Variants in AGMAT observed in about 807,000 individuals in gnomAD.
AGMAT encodes guanidino acid hydrolase, mitochondrial.
A neutral mutation model predicts 29.3 loss-of-function variants in AGMAT; 37 were observed. That is an observed-to-expected ratio of 1.26 (90% CI 0.97 to 1.66). The LOEUF is 1.66. AGMAT is among the 40% of genes most tolerant of loss of function. The pLI, the probability that AGMAT is intolerant of heterozygous loss-of-function variation, is 0.00. For synonymous variants in AGMAT, 199 were observed against 200.8 expected (o/e 0.99, Z 0.08); for missense variants, 498 against 497.8 (o/e 1.00, Z 0.00).
chr1:15,584,021 G>C (rs919387254), intron 1 of AGMAT, among the ~76,000 whole-genome samples: 1 of 152,214 alleles, frequency 6.6e-6, no homozygotes, highest in African/African-American at 2.4e-5. Context: ...GCCAGTTTCT[G>C]CTCTCAAATG....
In AGMAT at chr1:15,579,134, G is replaced by A. The variant is rs987207038; in HGVS notation, c.525-80C>T. 3 of 1,432,688 alleles carry A rather than the reference G, an allele frequency of 2.1e-6. No homozygotes were observed. In the African/African-American group the frequency reaches 4.2e-5, roughly 20 times the overall value. 88.7% of individuals were successfully genotyped at this position (1,432,688 alleles called of 1,614,324 possible). A position where few individuals can be genotyped will look rare whatever the true frequency, so the allele number is the denominator to read the frequency against. On this transcript the variant is annotated intron_variant, in intron 3 of 6. Coordinates refer to ENST00000375826, the MANE Select transcript of AGMAT (RefSeq NM_024758.5). ...GCCACCCTTCGGGCCACCAAAACTT[G>A]GTGACAATTCACAGCCAAAAAGGGG...
Position 15,584,816 on chromosome 1 carries a change from G to A in AGMAT, c.152C>T (p.Ala51Val), listed in dbSNP as rs1223390969. ...CATGGAGCAGACGCCCACCGGCCGG[G>A]CCACGAACTCGGGGCTGGGGGGCTG... The part of the protein sequence containing the change: ...RNQPPSPEFV[A>V]RPVGVCSMMR... The change falls in exon 1 of 7, where the codon GCC becomes GTC. Residue 51 changes from alanine (A) to valine (V), a missense_variant. Physicochemically the swap from Ala to Val is moderately conservative, Grantham distance 64 (BLOSUM62 0). Coordinates refer to ENST00000375826, the MANE Select transcript of AGMAT (RefSeq NM_024758.5). 3.5e-6 allele frequency: 5 copies of A among 1,411,608 alleles called. No homozygotes were observed. Among genetic ancestry groups the A allele is most frequent in the Non-Finnish European group, 4.6e-6 (5 of 1,085,932 alleles). 87.4% of individuals were successfully genotyped at this position (1,411,608 alleles called of 1,614,324 possible). A position where few individuals can be genotyped will look rare whatever the true frequency, so the allele number is the denominator to read the frequency against.
chr1:15,581,617 G>A (rs1557597682), intron 2 of AGMAT, among the ~76,000 whole-genome samples: 1 of 126,480 alleles, frequency 7.9e-6, no homozygotes, highest in Non-Finnish European at 1.6e-5. Context: ...GCTCACGCCT[G>A]TAATCCCAGC....
rs991438754 is a variant in AGMAT, at chr1:15,577,852, C to G, written c.733G>C (p.Val245Leu). 2 of 1,614,004 alleles carry G rather than the reference C, an allele frequency of 1.2e-6. No homozygotes were observed. The highest frequency in any genetic ancestry group is 8.5e-7 in the Non-Finnish European group (1 of 1,179,976). Residue 245 changes from valine to leucine, a missense_variant, in exon 5 of 7, where the codon GTC becomes CTC. Physicochemically the swap from Val to Leu is conservative, Grantham distance 32. Coordinates refer to ENST00000375826, the MANE Select transcript of AGMAT (RefSeq NM_024758.5). Reference protein sequence around the residue: ...RYNRSQGFRVVLAEDCWMKSL... With the variant: ...RYNRSQGFRVLLAEDCWMKSL... ...TTCATCCAGCAGTCTTCAGCCAGGA[C>G]TACCCGGAAGCCCTGCAGAGACAGG... is the stretch of plus-strand genomic sequence containing the variant.
chr1:15,574,042 T>C (rs6429753), intron 6 of AGMAT, among the ~76,000 whole-genome samples: 51,586 of 152,078 alleles, frequency 0.34, 10,796 homozygotes, highest in African/African-American at 0.59. Context: ...ATTCCATAAG[T>C]TTGTCTACAT....
intron 2 of AGMAT, among the ~76,000 whole-genome samples, chr1:15,581,973 A>T (rs1363430926): frequency 1.3e-5 from 2 of 151,806 alleles, no homozygotes; most frequent in Admixed American, 6.6e-5. Context: ...GAAGCTTCAG[A>T]TATGCCATGC....
chr1:15,584,771 G>A lies in AGMAT; in HGVS notation c.197C>T (p.Thr66Ile). ...GGCAGCGTCCAGCCCCTCGGGGGAG[G>A]TCTGCACCGGCAGGCGCATCATGGA... ...VCSMMRLPVQ[T>I]SPEGLDAAFI... Residue 66 changes from threonine (T) to isoleucine (I), a missense_variant, in exon 1 of 7, where the codon ACC (threonine) becomes ATC (isoleucine). Physicochemically the swap from Thr to Ile is moderately conservative, Grantham distance 89 (BLOSUM62 -1). Coordinates refer to ENST00000375826, the MANE Select transcript of AGMAT (RefSeq NM_024758.5). 1 of 1,380,670 alleles carries A rather than the reference G, an allele frequency of 7.2e-7. No individual in the cohort carries two copies. 85.5% of individuals were successfully genotyped at this position (1,380,670 alleles called of 1,614,324 possible).
At chr1:15,575,189 G>A (rs769036114) in intron 5 of AGMAT, 11 of 181,908 alleles carry the variant, frequency 6.0e-5, no homozygotes, top group Non-Finnish European at 1.1e-4. Flanking sequence ...CCCAGTTCAA[G>A]GGATAGGCCA....
Position 15,572,211 on chromosome 1 carries a change from TTTG to T in AGMAT, c.*1437_*1439del, listed in dbSNP as rs1284465441. The T allele has an allele frequency of 6.0e-5, 9 of 150,368 alleles. No individual in the cohort carries two copies. The highest frequency in any genetic ancestry group is 1.3e-4 in the Non-Finnish European group (9 of 67,414). 9.3% of individuals were successfully genotyped at this position (150,368 alleles called of 1,614,324 possible). ...GTTTTGTTTTGTTTTCTGGGGTTTT[TTTG>T]TTTTGTTTTGTTTTGTTTTGTTTTT... On this transcript the variant is annotated 3_prime_UTR_variant, in exon 7 of 7. Transcript: ENST00000375826.
At position 15,580,159 on chromosome 1, in the gene AGMAT, G is replaced by GA. The variant is rs769883493; in HGVS notation, c.476-18dup. ...GATCTCCACCTGCAAAGAGGAAGAAGAAAACATCTGGAAAGTGAATTGGAG... is the reference window on the plus strand; with the variant it reads ...GATCTCCACCTGCAAAGAGGAAGAAGAAAAACATCTGGAAAGTGAATTGGAG... On this transcript the variant is annotated splice_polypyrimidine_tract_variant and intron_variant, in intron 2 of 6. Coordinates refer to ENST00000375826, the MANE Select transcript of AGMAT (RefSeq NM_024758.5). 2.1e-5 allele frequency: 31 copies of GA among 1,471,618 alleles called. No homozygotes were observed. Among genetic ancestry groups the GA allele is most frequent in the Middle Eastern group, 1.9e-4 (1 of 5,212 alleles). 91.2% of individuals were successfully genotyped at this position (1,471,618 alleles called of 1,614,324 possible).
At position 15,573,576 on chromosome 1, in the gene AGMAT, C is replaced by G; in HGVS notation, c.*75G>C. 7.1e-7 allele frequency: 1 copy of G among 1,406,158 alleles called. No individual in the cohort carries two copies. The highest frequency in any genetic ancestry group is 1.0e-6 in the Non-Finnish European group (1 of 993,644). The allele number at this position is 1,406,158 out of a possible 1,614,324, so 87.1% of individuals were successfully genotyped here. ...TTCTTGGCATAAACTCTTTAGTTCT[C>G]AGACTGCTTACTCATAAGTTCTTCT... On this transcript the variant is annotated 3_prime_UTR_variant, in exon 7 of 7. Transcript: ENST00000375826.
At chr1:15,576,740 CTTTTTTTTTTTT>C (rs59203066) in intron 5 of AGMAT, among the ~76,000 whole-genome samples, 3 of 35,800 alleles carry the variant, frequency 8.4e-5, no homozygotes, top group South Asian at 1.6e-3. Context: ...GTTTAGTGTT[CTTTTTTTTTTTT>C]TTTTTTTTTT....
At position 15,585,000 on chromosome 1, in the gene AGMAT, C is replaced by T; in HGVS notation, c.-33G>A. ...CGCGGCCAAGACCTCACCGACCAAA[C>T]CGCCCGCGAGGCCGCCGCGATCTGG... is the stretch of plus-strand genomic sequence containing the variant. On this transcript the variant is annotated 5_prime_UTR_variant, in exon 1 of 7. Transcript: ENST00000375826. The T allele has an allele frequency of 1.6e-6, 2 of 1,279,520 alleles. No individual in the cohort carries two copies. The highest frequency in any genetic ancestry group is 2.6e-5 in the South Asian group (1 of 38,508). 79.3% of individuals were successfully genotyped at this position (1,279,520 alleles called of 1,614,324 possible). A position where few individuals can be genotyped will look rare whatever the true frequency, so the allele number is the denominator to read the frequency against.
chr1:15,584,803 G>C lies in AGMAT; in HGVS notation c.165C>G (p.Gly55=). 1 of 1,397,608 alleles carries C rather than the reference G, an allele frequency of 7.2e-7. No individual in the cohort carries two copies. The highest frequency in any genetic ancestry group is 1.8e-5 in the South Asian group (1 of 54,544). The allele number at this position is 1,397,608 out of a possible 1,614,324, so 86.6% of individuals were successfully genotyped here. Residue 55 remains glycine, a synonymous_variant, in exon 1 of 7, where the codon GGC becomes GGG. Coordinates refer to ENST00000375826, the MANE Select transcript of AGMAT (RefSeq NM_024758.5). ...CCGGCAGGCGCATCATGGAGCAGAC[G>C]CCCACCGGCCGGGCCACGAACTCGG... The part of the protein sequence containing the change: ...PSPEFVARPV[G]VCSMMRLPVQ...
chr1:15,580,451 C>T (rs998012468), intron 2 of AGMAT, among the ~76,000 whole-genome samples: 16 of 151,756 alleles, frequency 1.1e-4, no homozygotes, highest in Non-Finnish European at 1.5e-4. Context: ...GTGATCCACT[C>T]GCCTTGGCCT....
rs1347081696 is a variant in AGMAT at position 15,577,803 on chromosome 1, TC to T, written c.781del (p.Glu261LysfsTer51). 1.2e-6 allele frequency: 2 copies of T among 1,614,022 alleles called. No individual in the cohort carries two copies. Among genetic ancestry groups the T allele is most frequent in the Non-Finnish European group, 1.7e-6 (2 of 1,180,000 alleles). ...TTTGCCTCCCATCTGCTGCCTGACTTCCCCCATCAGAGGAACCAGCGACTTC... is the reference window on the plus strand; with the variant it reads ...TTTGCCTCCCATCTGCTGCCTGACTTCCCCATCAGAGGAACCAGCGACTTC... ...WMKSLVPLMG[E>X]VRQQMGGKPI... is the part of the protein sequence containing the mutation. On this transcript the variant is annotated frameshift_variant, in exon 5 of 7. Coordinates refer to ENST00000375826, the MANE Select transcript of AGMAT (RefSeq NM_024758.5). LOFTEE classifies it high-confidence loss of function.
rs533158454 is a variant in AGMAT at position 15,583,263 on chromosome 1, C to G, written c.405G>C (p.Gln135His). The stretch of plus-strand genomic sequence containing the variant: ...CCTCTTGAATTCGCCGGCAGCTGTC[C>G]TGAAGGTTGTAAAGATTGACATTCA... The part of the protein sequence containing the change: ...GDVNVNLYNL[Q>H]DSCRRIQEAY... The change falls in exon 2 of 7, where the codon CAG becomes CAC. Residue 135 changes from glutamine (Q) to histidine (H), a missense_variant. Physicochemically the swap from Gln to His is conservative, Grantham distance 24. Transcript: ENST00000375826. The G allele has an allele frequency of 6.2e-7, 1 of 1,614,126 alleles. No individual in the cohort carries two copies. Among genetic ancestry groups the G allele is most frequent in the African/African-American group, 1.3e-5 (1 of 75,030 alleles).
intron 2 of AGMAT, among the ~76,000 whole-genome samples, chr1:15,582,299 G>A (rs1233175427): frequency 6.6e-6 from 1 of 152,058 alleles, no homozygotes; most frequent in African/African-American, 2.4e-5. Flanking sequence ...GATATGCCAT[G>A]CTTGATGCTG....
intron 5 of AGMAT, 79 bp from the exon 6 acceptor site, chr1:15,574,920 C>T: frequency 5.3e-6 from 6 of 1,135,646 alleles, no homozygotes; most frequent in Non-Finnish European, 6.6e-6. Flanking sequence ...TTTCCCAGCC[C>T]ACGCCACCCT....
Sources: gnomAD v4.1 joint callset for allele counts (sites outside exome capture counted in the v4.1 genomes callset) on GRCh38, gnomAD v4.1.1 for gene constraint, MANE v1.5 for transcripts, NCBI Gene and HGNC (gene_info 2026-07-23, HGNC 2026-07-21) for gene names.